MFN1: variants seen among roughly 807,000 people sequenced by gnomAD.
The protein encoded by MFN1 is mitofusin 1.
MFN1 carries 65 observed loss-of-function variants against 92.4 expected under a neutral mutation model. That is an observed-to-expected ratio of 0.70 (90% CI 0.58 to 0.86). The LOEUF is 0.86. Among genes scored for constraint, MFN1 ranks in the 40% least tolerant of loss-of-function variants. MFN1 has a pLI of 0.00. For missense variants in MFN1, 781 were observed against 868.0 expected, an observed-to-expected ratio of 0.90 and a Z score of 1.26; for synonymous variants, 297 against 300.9, an observed-to-expected ratio of 0.99 and a Z score of 0.13.
intron 9 of MFN1, among the ~76,000 whole-genome samples, chr3:179,372,124 T>C (rs1030463131): frequency 6.8e-6 from 1 of 147,532 alleles, no homozygotes; most frequent in African/African-American, 2.5e-5. Flanking sequence ...ATATTATATA[T>C]ATATGCCCTC....
intron 4 of MFN1, among the ~76,000 whole-genome samples, 158 bp downstream of exon 4, chr3:179,359,160 G>A (rs957839276): frequency 3.3e-5 from 5 of 151,084 alleles, no homozygotes; most frequent in South Asian, 2.1e-4. Flanking sequence ...CGCTCTTGTC[G>A]CCCAGGCTGG....
chr3:179,385,530 T>G (rs1418855649), intron 14 of MFN1, 39 bp from the exon 15 acceptor site: 3 of 1,543,944 alleles, frequency 1.9e-6, no homozygotes, highest in Admixed American at 4.5e-5. Context: ...TATAGTTGTT[T>G]AAGTGTAATC....
chr3:179,357,574 A>G (rs964612870), intron 3 of MFN1, among the ~76,000 whole-genome samples: 1 of 152,186 alleles, frequency 6.6e-6, no homozygotes, highest in African/African-American at 2.4e-5. Flanking sequence ...GAGGTAAAAC[A>G]TATGCCGAAA....
chr3:179,373,330 G>A (rs372996115), intron 9 of MFN1, among the ~76,000 whole-genome samples: 5 of 152,172 alleles, frequency 3.3e-5, no homozygotes, highest in Admixed American at 1.3e-4. Context: ...GAATGCACGT[G>A]TAGCATCCTG....
At chr3:179,358,150 G>GTT (rs771740459) in intron 3 of MFN1, among the ~76,000 whole-genome samples, 7,481 of 119,562 alleles carry the variant, frequency 0.063, 889 homozygotes, top group African/African-American at 0.18. Flanking sequence ...CACTCATTTT[G>GTT]TTTTTTTTTT....
intron 1 of MFN1, 71 bp downstream of exon 1, chr3:179,347,881 GC>G (rs1460214235): frequency 1.3e-5 from 2 of 152,286 alleles, no homozygotes; most frequent in African/African-American, 4.8e-5. Flanking sequence ...GGGACCGGGG[GC>G]GGGAGTCGTG....
intron 10 of MFN1, 78 bp from the exon 11 acceptor site, chr3:179,376,964 A>G: frequency 6.9e-7 from 1 of 1,454,648 alleles, no homozygotes; most frequent in South Asian, 1.3e-5. Flanking sequence ...ATGGTTCAAT[A>G]CATGAATGAG....
At chr3:179,370,966 TGTG>T (rs1713000431) in intron 9 of MFN1, among the ~76,000 whole-genome samples, 2 of 152,268 alleles carry the variant, frequency 1.3e-5, no homozygotes, top group African/African-American at 4.8e-5. Flanking sequence ...TTCTTTGTGT[TGTG>T]GTCACATCAT....
chr3:179,373,898 C>T (rs1428549777), intron 9 of MFN1, among the ~76,000 whole-genome samples: 2 of 152,034 alleles, frequency 1.3e-5, no homozygotes, highest in African/African-American at 4.8e-5. Flanking sequence ...TGGTCTCAAT[C>T]TCCTGACCTC....
In MFN1 at chr3:179,365,235, T is replaced by A; in HGVS notation, c.753+10T>A. ...AGAATATATGGAAGACGTAAGTTGT[T>A]ATTTTTTTTTTTGTAGGTTTTGAAA... On this transcript the variant is annotated intron_variant, in intron 7 of 17. Coordinates refer to ENST00000471841, the MANE Select transcript of MFN1 (RefSeq NM_033540.3). 1.3e-6 allele frequency: 2 copies of A among 1,481,684 alleles called. No homozygotes were observed. The highest frequency in any genetic ancestry group is 1.3e-5 in the South Asian group (1 of 75,210). The allele number at this position is 1,481,684 out of a possible 1,614,324, so 91.8% of individuals were successfully genotyped here. A position where few individuals can be genotyped will look rare whatever the true frequency, so the allele number is the denominator to read the frequency against.
chr3:179,368,854 G>A (rs1252712452), intron 9 of MFN1, among the ~76,000 whole-genome samples: 2 of 152,168 alleles, frequency 1.3e-5, no homozygotes, highest in African/African-American at 4.8e-5. Flanking sequence ...AGTGACTTCA[G>A]CATTGAAGAA....
At position 179,378,301 on chromosome 3, in the gene MFN1, C is replaced by T. The variant is rs113454121; in HGVS notation, c.1330-40C>T. ...TGTCTTTATAAAAACTACATACTTT[C>T]TGGAGAAAAAATAATATGGATATTT... On this transcript the variant is annotated intron_variant, in intron 12 of 17. Coordinates refer to ENST00000471841, the MANE Select transcript of MFN1 (RefSeq NM_033540.3). The T allele has an allele frequency of 2.1e-5, 30 of 1,406,886 alleles. 1 individual carries two copies. In the African/African-American group the frequency reaches 2.3e-4, roughly 11 times the overall value. 87.2% of individuals were successfully genotyped at this position (1,406,886 alleles called of 1,614,324 possible).
chr3:179,361,496 T>G (rs2108531232), intron 4 of MFN1, among the ~76,000 whole-genome samples: 1 of 152,104 alleles, frequency 6.6e-6, no homozygotes, highest in East Asian at 1.9e-4. Context: ...TGTTTATTGT[T>G]CCCATCTTTA....
intron 14 of MFN1, among the ~76,000 whole-genome samples, chr3:179,384,900 CTTTTTT>C (rs35563595): frequency 3.5e-5 from 3 of 84,630 alleles, no homozygotes; most frequent in Non-Finnish European, 6.6e-5. Context: ...TTTTGAAGTC[CTTTTTT>C]TTTTTTTTTT....
At chr3:179,369,799 T>A (rs1208909582) in intron 9 of MFN1, among the ~76,000 whole-genome samples, 1 of 152,200 alleles carries the variant, frequency 6.6e-6, no homozygotes, top group Non-Finnish European at 1.5e-5. Flanking sequence ...GAACTATTCT[T>A]TTTAAATGTT....
rs1466480860 is a variant in MFN1, at chr3:179,394,194, A to C, written c.*2135A>C. The C allele has an allele frequency of 6.6e-6, 1 of 152,034 alleles. No homozygotes were observed. The highest frequency in any genetic ancestry group is 1.5e-5 in the Non-Finnish European group (1 of 68,016). The allele number at this position is 152,034 out of a possible 1,614,324, so 9.4% of individuals were successfully genotyped here. Reference sequence around the variant, plus strand: ...AAAAAGTGTGGATCCTTGGGTCTGAACCCAGACCTATGGAGTCAGACAGTA... The same window carrying C: ...AAAAAGTGTGGATCCTTGGGTCTGACCCCAGACCTATGGAGTCAGACAGTA... On this transcript the variant is annotated 3_prime_UTR_variant, in exon 18 of 18. Transcript: ENST00000471841.
At chr3:179,354,497 T>C (rs1383598571) in intron 3 of MFN1, among the ~76,000 whole-genome samples, 1 of 151,950 alleles carries the variant, frequency 6.6e-6, no homozygotes, top group African/African-American at 2.4e-5. Flanking sequence ...AGAACAGGGG[T>C]AGGAGGCAGT....
intron 5 of MFN1, among the ~76,000 whole-genome samples, chr3:179,363,490 C>T (rs1040965003): frequency 6.6e-6 from 1 of 151,550 alleles, no homozygotes; most frequent in Non-Finnish European, 1.5e-5. Context: ...TCGTTTACCA[C>T]GTGATTTTTT....
chr3:179,391,086 A>G (rs756884383), intron 17 of MFN1, among the ~76,000 whole-genome samples: 37 of 152,174 alleles, frequency 2.4e-4, no homozygotes, highest in Non-Finnish European at 1.5e-4. Flanking sequence ...AGCTCATCCC[A>G]TATATACCTT....
Sources: gnomAD v4.1 joint callset for allele counts (sites outside exome capture counted in the v4.1 genomes callset) on GRCh38, gnomAD v4.1.1 for gene constraint, MANE v1.5 for transcripts, NCBI Gene and HGNC (gene_info 2026-07-23, HGNC 2026-07-21) for gene names.